Variants in SCN2A observed in about 807,000 individuals in gnomAD.
The protein encoded by SCN2A is sodium voltage-gated channel alpha subunit 2, also known as sodium channel protein type 2 subunit alpha.
A neutral mutation model predicts 188.7 loss-of-function variants in SCN2A; 20 were observed. The ratio of observed to expected loss-of-function variants is 0.11; its 90% CI spans 0.07 to 0.15. The LOEUF (loss-of-function observed/expected upper bound fraction) is 0.15. Among genes scored for constraint, SCN2A ranks in the 10% least tolerant of loss-of-function variants. SCN2A has a pLI of 1.00. For synonymous variants in SCN2A, 804 were observed against 833.1 expected (o/e 0.97, Z 0.60); for missense variants, 1,278 against 2,445.0 (o/e 0.52, Z 10.07).
chr2:165,291,575 T>TCCTTCCTTTC (rs1460696524), intron 1 of SCN2A, among the ~76,000 whole-genome samples: 19 of 70,568 alleles, frequency 2.7e-4, no homozygotes, highest in African/African-American at 8.4e-4. Flanking sequence ...CTTCCTTCCT[T>TCCTTCCTTTC]TCTCTCTCTC....
Position 165,275,433 on chromosome 2 carries a change from C to T in SCN2A, c.-51-20340C>T, listed in dbSNP as rs577494097. ...CATGTCAGAATCTATATTTGCCTTA[C>T]TTGGGCATTATCTGTATCCCTCCAC... On this transcript the variant is annotated intron_variant, in intron 1 of 26. Transcript: ENST00000375437. Among the ~76,000 whole-genome samples the T allele has an allele frequency of 2.6e-5, 4 of 152,244 alleles. No homozygotes were observed. The South Asian group carries it at 8.3e-4, about 32-fold the overall frequency.
chr2:165,328,985 C>A (rs62176240), intron 13 of SCN2A, among the ~76,000 whole-genome samples: 3 of 117,940 alleles, frequency 2.5e-5, no homozygotes, highest in African/African-American at 6.2e-5. Context: ...TTAAGATAGT[C>A]CTTTTTTTTT....
chr2:165,305,688 A>G (rs907429167), intron 3 of SCN2A, among the ~76,000 whole-genome samples: 4 of 152,198 alleles, frequency 2.6e-5, no homozygotes, highest in African/African-American at 4.8e-5. Flanking sequence ...ATAATCTCAA[A>G]TTATCCTTTT....
intron 14 of SCN2A, among the ~76,000 whole-genome samples, chr2:165,334,223 A>G (rs1698853478): frequency 6.6e-6 from 1 of 151,704 alleles, no homozygotes; most frequent in Non-Finnish European, 1.5e-5. Flanking sequence ...TCCTTAACAA[A>G]CTGTTCCAAC....
intron 3 of SCN2A, among the ~76,000 whole-genome samples, chr2:165,302,524 A>G (rs1696873212): frequency 1.3e-5 from 2 of 152,210 alleles, no homozygotes. Context: ...TCCTTCCTAT[A>G]GAATAACAAA....
At chr2:165,378,288 A>G (rs1701416513) in intron 23 of SCN2A, among the ~76,000 whole-genome samples, 3 of 149,102 alleles carry the variant, frequency 2.0e-5, no homozygotes, top group Admixed American at 6.7e-5. Context: ...CTCTTTCCCT[A>G]GCACCAGCAG....
chr2:165,288,725 CAT>C (rs1251505396), intron 1 of SCN2A, among the ~76,000 whole-genome samples: 2 of 108,868 alleles, frequency 1.8e-5, no homozygotes, highest in Admixed American at 1.2e-4. Context: ...GAGAAGGATA[CAT>C]ATACATGTGT....
intron 3 of SCN2A, among the ~76,000 whole-genome samples, chr2:165,306,056 C>T (rs186028609): frequency 8.5e-5 from 13 of 152,234 alleles, no homozygotes; most frequent in Admixed American, 1.3e-4. Context: ...AACCTCCCCA[C>T]TGTAACAGGA....
At chr2:165,331,290 T>C in intron 13 of SCN2A, 40 bp from the exon 14 acceptor site, 1 of 1,423,444 alleles carries the variant, frequency 7.0e-7, no homozygotes, top group Non-Finnish European at 9.9e-7. Flanking sequence ...TAATAGAAAG[T>C]AAGCAGTTTT....
chr2:165,313,943 G>A lies in SCN2A; in HGVS notation c.1218G>A (p.Val406=). The A allele has an allele frequency of 1.2e-6, 2 of 1,613,800 alleles. No individual in the cohort carries two copies. Among genetic ancestry groups the A allele is most frequent in the Non-Finnish European group, 1.7e-6 (2 of 1,179,788 alleles). ...AAGKTYMIFF[V]LVIFLGSFYL... ...GGAAAACGTACATGATATTTTTTGT[G>A]CTGGTCATTTTCTTGGGCTCATTCT... The change falls in exon 10 of 27, where the codon GTG becomes GTA. Residue 406 remains valine (V), a synonymous_variant. Transcript: ENST00000375437.
chr2:165,266,883 T>C (rs545475693), intron 1 of SCN2A: 2 of 152,100 alleles, frequency 1.3e-5, no homozygotes, highest in East Asian at 3.9e-4. Flanking sequence ...AATCAACTAT[T>C]TGCAAGAGAA....
At chr2:165,339,093 C>G (rs1047587699) in intron 14 of SCN2A, among the ~76,000 whole-genome samples, 5 of 151,910 alleles carry the variant, frequency 3.3e-5, no homozygotes, top group African/African-American at 4.8e-5. Flanking sequence ...TGGTGGCAGG[C>G]GCCTGCAATA....
At chr2:165,302,833 A>G (rs761052594) in intron 3 of SCN2A, among the ~76,000 whole-genome samples, 9 of 152,134 alleles carry the variant, frequency 5.9e-5, no homozygotes, top group Non-Finnish European at 1.2e-4. Flanking sequence ...TACTTAAACA[A>G]TTTTCACTAA....
rs765638066 is a variant in SCN2A, at chr2:165,389,583, A to C, written c.5777A>C (p.Lys1926Thr). 2 of 1,613,972 alleles carry C rather than the reference A, an allele frequency of 1.2e-6. No homozygotes were observed. Among genetic ancestry groups the C allele is most frequent in the South Asian group, 2.2e-5 (2 of 91,078 alleles). ...YRRYLLKQKV[K>T]KVSSIYKKDK... ...CGCTACCTCTTGAAGCAAAAAGTTAAAAAGGTATCAAGTATATACAAGAAA... is the reference window on the plus strand; with the variant it reads ...CGCTACCTCTTGAAGCAAAAAGTTACAAAGGTATCAAGTATATACAAGAAA... The change falls in exon 27 of 27, where the codon AAA (lysine) becomes ACA (threonine). Residue 1926 changes from lysine to threonine, a missense_variant. Transcript: ENST00000375437. This position sits in a 1 kb window ranked among gnomAD's most constrained non-coding sequence, Gnocchi z 4.2.
At chr2:165,298,038 T>C (rs952259934) in intron 3 of SCN2A, among the ~76,000 whole-genome samples, 2 of 152,306 alleles carry the variant, frequency 1.3e-5, no homozygotes, top group Non-Finnish European at 2.9e-5. Context: ...TGAAGCTGTG[T>C]GGGGCAGGGG....
intron 1 of SCN2A, among the ~76,000 whole-genome samples, chr2:165,253,475 C>T (rs1018339539): frequency 6.6e-6 from 1 of 152,076 alleles, no homozygotes; most frequent in African/African-American, 2.4e-5. Flanking sequence ...AATAATACTT[C>T]ATGACATGTA....
intron 14 of SCN2A, among the ~76,000 whole-genome samples, chr2:165,334,336 A>G (rs1022552728): frequency 4.0e-5 from 6 of 151,766 alleles, no homozygotes; most frequent in African/African-American, 1.2e-4. Flanking sequence ...CACAGACACA[A>G]ATATAGACCA....
At chr2:165,374,237 G>A (rs1405120775) in intron 21 of SCN2A, among the ~76,000 whole-genome samples, 1 of 151,988 alleles carries the variant, frequency 6.6e-6, no homozygotes, top group Non-Finnish European at 1.5e-5. Context: ...TAAACAAAAG[G>A]TATCAATCTT....
At chr2:165,375,784 A>G (rs1171704073) in intron 22 of SCN2A, among the ~76,000 whole-genome samples, 2 of 151,760 alleles carry the variant, frequency 1.3e-5, no homozygotes, top group East Asian at 3.9e-4. Flanking sequence ...TCATTTAAAA[A>G]CTTATTGGAT....
Sources: gnomAD v4.1 joint callset for allele counts (sites outside exome capture counted in the v4.1 genomes callset) on GRCh38, gnomAD v4.1.1 for gene constraint, Gnocchi (gnomAD v3.1) non-coding constraint, MANE v1.5 for transcripts, NCBI Gene and HGNC (gene_info 2026-07-23, HGNC 2026-07-21) for gene names.